The following ATP8A2 variants were observed in gnomAD, a reference collection of about 807,000 sequenced individuals.
ATP8A2 encodes the protein ATPase phospholipid transporting 8A2, also known as phospholipid-transporting ATPase IB.
In ATP8A2, 100 loss-of-function variants were observed where a neutral mutation model predicts 165.6. That is an observed-to-expected ratio of 0.60 (90% CI 0.51 to 0.71). The LOEUF is 0.71. ATP8A2 is among the 30% of genes least tolerant of loss of function. The probability of loss-of-function intolerance (pLI) is 0.00; values close to 1 mark genes in which losing one functional copy is unlikely to be tolerated. For synonymous variants in ATP8A2, 543 were observed against 548.8 expected (o/e 0.99, Z 0.15); for missense variants, 1,227 against 1,479.5 (o/e 0.83, Z 2.80).
chr13:25,545,973 G>A (rs1405358236), intron 10 of ATP8A2, among the ~76,000 whole-genome samples: 3 of 152,116 alleles, frequency 2.0e-5, no homozygotes, highest in Non-Finnish European at 4.4e-5. Context: ...GACAGATCAT[G>A]GGTAGCTAGC....
chr13:25,512,483 G>A (rs570142866), intron 2 of ATP8A2, among the ~76,000 whole-genome samples: 4 of 151,974 alleles, frequency 2.6e-5, no homozygotes, highest in South Asian at 2.1e-4. Context: ...CTCATCTCCC[G>A]GACGGGGCGG....
intron 1 of ATP8A2, among the ~76,000 whole-genome samples, chr13:25,397,806 G>A (rs2147490): frequency 0.15 from 22,958 of 152,086 alleles, 2,408 homozygotes; most frequent in African/African-American, 0.3. Context: ...TACATATAAG[G>A]TGTACATTGG....
intron 35 of ATP8A2, among the ~76,000 whole-genome samples, chr13:25,990,894 G>C (rs1225859173): frequency 6.6e-6 from 1 of 152,146 alleles, no homozygotes. Flanking sequence ...GGTCAGCCAG[G>C]TGCCCTGCTA....
chr13:25,903,076 G>A (rs1453824246), intron 33 of ATP8A2, among the ~76,000 whole-genome samples: 1 of 151,882 alleles, frequency 6.6e-6, no homozygotes, highest in Admixed American at 6.6e-5. Context: ...AGACCATGCC[G>A]TTGCACTCTA....
chr13:25,987,702 G>A (rs1223158129), intron 35 of ATP8A2, among the ~76,000 whole-genome samples: 1 of 152,196 alleles, frequency 6.6e-6, no homozygotes, highest in Non-Finnish European at 1.5e-5. Flanking sequence ...CAGCAACACA[G>A]GTGATAGGCC....
chr13:25,866,618 G>C (rs1952515339), intron 33 of ATP8A2, among the ~76,000 whole-genome samples: 1 of 151,984 alleles, frequency 6.6e-6, no homozygotes, highest in Non-Finnish European at 1.5e-5. Flanking sequence ...TACACACACA[G>C]AGACACACAA....
intron 24 of ATP8A2, among the ~76,000 whole-genome samples, chr13:25,633,381 C>A (rs2041292924): frequency 6.6e-6 from 1 of 152,128 alleles, no homozygotes; most frequent in African/African-American, 2.4e-5. Context: ...TAATACACAT[C>A]ACGAGCCTCA....
intron 2 of ATP8A2, among the ~76,000 whole-genome samples, chr13:25,469,913 G>T (rs1201874727): frequency 6.6e-6 from 1 of 152,148 alleles, no homozygotes; most frequent in Non-Finnish European, 1.5e-5. Flanking sequence ...AAACTTTCAG[G>T]CTTAAACAAC....
At chr13:25,379,638 T>A (rs2032764950) in intron 1 of ATP8A2, among the ~76,000 whole-genome samples, 1 of 152,218 alleles carries the variant, frequency 6.6e-6, no homozygotes, top group African/African-American at 2.4e-5. Context: ...ACATTGGTTT[T>A]AAAACTGCAG....
At chr13:25,429,196 C>T (rs1177902368) in intron 1 of ATP8A2, among the ~76,000 whole-genome samples, 1 of 151,722 alleles carries the variant, frequency 6.6e-6, no homozygotes, top group African/African-American at 2.4e-5. Context: ...TGTGAAAACT[C>T]GTCTCTACTA....
At chr13:25,676,089 T>C (rs1006093522) in intron 24 of ATP8A2, among the ~76,000 whole-genome samples, 8 of 152,176 alleles carry the variant, frequency 5.3e-5, no homozygotes, top group Non-Finnish European at 1.2e-4. Flanking sequence ...ATATGTATAT[T>C]TTAAGAATCA....
In ATP8A2 at chr13:25,972,363, G is replaced by A. The variant is rs1031573925; in HGVS notation, c.3377+3684G>A. ...GTGGAATTGATACTTTAATAAGCCTGTTCTCATGAAGAAGCAGATAATGAG... is the reference window on the plus strand; with the variant it reads ...GTGGAATTGATACTTTAATAAGCCTATTCTCATGAAGAAGCAGATAATGAG... On this transcript the variant is annotated intron_variant, in intron 35 of 36. Coordinates refer to ENST00000381655, the MANE Select transcript of ATP8A2 (RefSeq NM_016529.6). 4.6e-5 allele frequency among the ~76,000 whole-genome samples: 7 copies of A among 152,192 alleles called. No individual in the cohort carries two copies. The South Asian group carries it at 1.0e-3, about 23-fold the overall frequency.
intron 1 of ATP8A2, among the ~76,000 whole-genome samples, chr13:25,398,912 G>GAA (rs5802333): frequency 1.3e-3 from 200 of 151,466 alleles, no homozygotes; most frequent in East Asian, 3.7e-3. Flanking sequence ...TAATGCATAT[G>GAA]AAAAAAAAAT....
chr13:25,635,594 T>C (rs1050625309), intron 24 of ATP8A2, among the ~76,000 whole-genome samples: 1 of 152,214 alleles, frequency 6.6e-6, no homozygotes, highest in Admixed American at 6.5e-5. Flanking sequence ...TAATACTCCA[T>C]GGAATGATTT....
At chr13:25,911,094 T>A (rs1954092538) in intron 33 of ATP8A2, among the ~76,000 whole-genome samples, 1 of 151,500 alleles carries the variant, frequency 6.6e-6, no homozygotes, top group Admixed American at 6.6e-5. Context: ...CAAACAGCCC[T>A]GACACAATTG....
chr13:25,777,808 A>C (rs17082732), intron 27 of ATP8A2, among the ~76,000 whole-genome samples: 3,735 of 152,354 alleles, frequency 0.025, 162 homozygotes, highest in African/African-American at 0.085. Context: ...TTGGCATACT[A>C]ACCTATAAAA....
chr13:25,882,174 G>A (rs1057458040), intron 33 of ATP8A2, among the ~76,000 whole-genome samples: 2 of 152,176 alleles, frequency 1.3e-5, no homozygotes, highest in African/African-American at 4.8e-5. Flanking sequence ...GCATTGGGTG[G>A]ATGTTTCTGC....
intron 19 of ATP8A2, 59 bp from the exon 20 acceptor site, chr13:25,577,010 T>C: frequency 7.3e-7 from 1 of 1,372,592 alleles, no homozygotes; most frequent in Non-Finnish European, 1.0e-6. Flanking sequence ...GGTGTTCAGC[T>C]GTGGGATATG....
chr13:25,457,055 C>A (rs1349062773), intron 1 of ATP8A2, among the ~76,000 whole-genome samples: 1 of 152,168 alleles, frequency 6.6e-6, no homozygotes, highest in Non-Finnish European at 1.5e-5. Flanking sequence ...ACGTTCAAAG[C>A]CGTTCTGGGC....
Sources: gnomAD v4.1 joint callset for allele counts (sites outside exome capture counted in the v4.1 genomes callset) on GRCh38, gnomAD v4.1.1 for gene constraint, MANE v1.5 for transcripts, NCBI Gene and HGNC (gene_info 2026-07-23, HGNC 2026-07-21) for gene names.